ERBB4: variants seen among roughly 807,000 people sequenced by gnomAD.
The protein encoded by ERBB4 is receptor tyrosine-protein kinase erbB-4.
In ERBB4, 42 loss-of-function variants were observed where a neutral mutation model predicts 158.0. The ratio of observed to expected loss-of-function variants is 0.27; its 90% CI spans 0.21 to 0.34. ERBB4 has a LOEUF of 0.34. Ranked by LOEUF, ERBB4 falls within the 10% of genes least tolerant of loss-of-function variation. ERBB4 has a pLI of 1.00. For synonymous variants in ERBB4, 583 were observed against 558.7 expected (o/e 1.04, Z -0.61); for missense variants, 1,333 against 1,624.1 (o/e 0.82, Z 3.08).
intron 1 of ERBB4, among the ~76,000 whole-genome samples, chr2:212,451,965 C>A (rs530664269): frequency 6.6e-6 from 1 of 150,828 alleles, no homozygotes; most frequent in Admixed American, 6.6e-5. Flanking sequence ...GAAGGATTGT[C>A]TCAGGCACCT....
intron 16 of ERBB4, among the ~76,000 whole-genome samples, chr2:211,635,585 C>G (rs1192900780): frequency 6.6e-6 from 1 of 151,942 alleles, no homozygotes; most frequent in East Asian, 1.9e-4. Context: ...TGATCAGTTT[C>G]TTTTCAGATG....
intron 1 of ERBB4, among the ~76,000 whole-genome samples, chr2:212,292,972 T>C (rs2086264712): frequency 6.6e-6 from 1 of 152,024 alleles, no homozygotes; most frequent in Non-Finnish European, 1.5e-5. Context: ...AGTATACAAA[T>C]GTGTAACTCC....
chr2:212,418,114 C>T (rs35966747), intron 1 of ERBB4, among the ~76,000 whole-genome samples: 27,372 of 151,840 alleles, frequency 0.18, 2,891 homozygotes, highest in Non-Finnish European at 0.24. Flanking sequence ...GTCTTCTGAA[C>T]TGTGAGAAAT....
At chr2:212,044,307 C>G (rs1299889206) in intron 2 of ERBB4, among the ~76,000 whole-genome samples, 1 of 152,098 alleles carries the variant, frequency 6.6e-6, no homozygotes, top group Non-Finnish European at 1.5e-5. Context: ...TCACCTGTAG[C>G]TGATTTGGAC....
At chr2:211,697,022 T>C (rs1219153256) in intron 12 of ERBB4, among the ~76,000 whole-genome samples, 3 of 152,212 alleles carry the variant, frequency 2.0e-5, no homozygotes, top group Non-Finnish European at 4.4e-5. Flanking sequence ...GCCTAGACTT[T>C]GAAGTCAGAC....
chr2:212,038,688 G>C (rs2077071250), intron 2 of ERBB4, among the ~76,000 whole-genome samples: 1 of 152,040 alleles, frequency 6.6e-6, no homozygotes, highest in Non-Finnish European at 1.5e-5. Context: ...ATAAATCATG[G>C]TGTTAAAGTT....
At chr2:211,839,003 T>C (rs763003609) in intron 3 of ERBB4, among the ~76,000 whole-genome samples, 8 of 152,164 alleles carry the variant, frequency 5.3e-5, no homozygotes, top group Non-Finnish European at 8.8e-5. Flanking sequence ...AATTTTACTG[T>C]ATGTGCATTC....
intron 2 of ERBB4, among the ~76,000 whole-genome samples, chr2:211,987,341 A>AAAG (rs1553526813): frequency 1.6e-5 from 2 of 124,416 alleles, no homozygotes; most frequent in Non-Finnish European, 1.6e-5. Flanking sequence ...AAAAAAAAAA[A>AAAG]AAAGAAAGAA....
chr2:212,303,963 T>C (rs1422794680), intron 1 of ERBB4, among the ~76,000 whole-genome samples: 1 of 151,618 alleles, frequency 6.6e-6, no homozygotes, highest in Non-Finnish European at 1.5e-5. Context: ...AATAGATAAC[T>C]TTCCTAATTT....
chr2:212,537,164 A>C (rs1398951735), intron 1 of ERBB4, among the ~76,000 whole-genome samples: 1 of 124,752 alleles, frequency 8.0e-6, no homozygotes, highest in Non-Finnish European at 1.8e-5. Context: ...GGAGCGGGAA[A>C]ACTACAGCTA....
chr2:212,418,039 G>C (rs1451800856), intron 1 of ERBB4, among the ~76,000 whole-genome samples: 1 of 151,934 alleles, frequency 6.6e-6, no homozygotes, highest in Non-Finnish European at 1.5e-5. Context: ...GCAGCCATCA[G>C]CAAGTCAGGA....
intron 5 of ERBB4, among the ~76,000 whole-genome samples, chr2:211,735,816 T>C (rs1293961398): frequency 2.0e-5 from 3 of 151,958 alleles, no homozygotes; most frequent in Non-Finnish European, 4.4e-5. Context: ...AGAATATGTT[T>C]TGCTTTTCTC....
intron 20 of ERBB4, among the ~76,000 whole-genome samples, chr2:211,498,970 T>G (rs889608605): frequency 1.3e-5 from 2 of 152,076 alleles, no homozygotes; most frequent in African/African-American, 4.8e-5. Flanking sequence ...TGCCCAACAA[T>G]GGGTTATAAT....
intron 19 of ERBB4, among the ~76,000 whole-genome samples, chr2:211,610,087 C>T (rs12694246): frequency 0.9 from 137,526 of 152,116 alleles, 62,195 homozygotes; most frequent in Admixed American, 0.93. Context: ...AATTACCCAA[C>T]GGTATCATTA....
Position 211,690,631 on chromosome 2 carries a change from A to G in ERBB4, c.1489+11336T>C, listed in dbSNP as rs139566715. Among the ~76,000 whole-genome samples the G allele has an allele frequency of 2.6e-5, 4 of 152,314 alleles. No individual in the cohort carries two copies. In the East Asian group the frequency reaches 7.7e-4, roughly 29 times the overall value. The stretch of plus-strand genomic sequence containing the variant: ...AAGATTGGTTGATCATTTTCTCTAG[A>G]GTGAAACCAAAGGAAGTATCTCCAC... On this transcript the variant is annotated intron_variant, in intron 12 of 27. Coordinates refer to ENST00000342788, the MANE Select transcript of ERBB4 (RefSeq NM_005235.3).
At chr2:211,695,195 C>A (rs1412540405) in intron 12 of ERBB4, among the ~76,000 whole-genome samples, 2 of 152,110 alleles carry the variant, frequency 1.3e-5, no homozygotes, top group Non-Finnish European at 2.9e-5. Context: ...AACTCTTTGG[C>A]CTGCTTCAAT....
At chr2:212,383,589 A>G (rs758980239) in intron 1 of ERBB4, among the ~76,000 whole-genome samples, 18 of 151,590 alleles carry the variant, frequency 1.2e-4, no homozygotes, top group Non-Finnish European at 2.5e-4. Flanking sequence ...TAACCTCAGG[A>G]AGCTAAAATT....
chr2:211,948,467 A>T (rs2080772324), intron 2 of ERBB4, among the ~76,000 whole-genome samples: 1 of 144,716 alleles, frequency 6.9e-6, no homozygotes, highest in Admixed American at 7.0e-5. Flanking sequence ...AAAAAAACCT[A>T]ATTGTTGTCT....
intron 2 of ERBB4, among the ~76,000 whole-genome samples, chr2:212,065,023 GTGTGT>G (rs1559426227): frequency 1.1e-3 from 155 of 145,030 alleles, no homozygotes; most frequent in African/African-American, 3.8e-3. Flanking sequence ...GTGTGTGTGT[GTGTGT>G]TGTGTGTGTG....
Sources: allele counts gnomAD v4.1 joint callset (sites outside exome capture counted in the v4.1 genomes callset), GRCh38; gene constraint gnomAD v4.1.1; transcripts MANE v1.5; gene names NCBI Gene and HGNC (gene_info 2026-07-23, HGNC 2026-07-21).